The following LAMA2 variants were observed in gnomAD, a reference collection of about 807,000 sequenced individuals.
LAMA2 encodes laminin subunit alpha-2.
LAMA2 carries 269 observed loss-of-function variants against 364.8 expected under a neutral mutation model. The observed-to-expected ratio is 0.74, with a 90% CI of 0.67 to 0.82. LAMA2 has a LOEUF of 0.82. Ranked by LOEUF, LAMA2 falls within the 40% of genes least tolerant of loss-of-function variation. The pLI, the probability that LAMA2 is intolerant of heterozygous loss-of-function variation, is 0.00. For missense variants in LAMA2, 3,807 were observed against 3,873.2 expected, an observed-to-expected ratio of 0.98 and a Z score of 0.45; for synonymous variants, 1,379 against 1,370.6, an observed-to-expected ratio of 1.01 and a Z score of -0.14.
intron 1 of LAMA2, among the ~76,000 whole-genome samples, chr6:129,010,849 G>T (rs891447505): frequency 1.3e-5 from 2 of 152,084 alleles, no homozygotes; most frequent in Non-Finnish European, 2.9e-5. Flanking sequence ...AGCAAATCTT[G>T]TATGATTTTT....
intron 3 of LAMA2, among the ~76,000 whole-genome samples, chr6:129,065,645 C>T (rs1789246537): frequency 6.6e-6 from 1 of 152,014 alleles, no homozygotes; most frequent in African/African-American, 2.4e-5. Flanking sequence ...ATAAAATAAT[C>T]CCATTCACCA....
intron 32 of LAMA2, among the ~76,000 whole-genome samples, chr6:129,358,944 C>T (rs540903409): frequency 2.3e-4 from 35 of 152,076 alleles, no homozygotes; most frequent in Middle Eastern, 3.4e-3. Flanking sequence ...TTTCTCCTGT[C>T]TTTAAGCCCT....
At chr6:128,997,746 G>A (rs1210834501) in intron 1 of LAMA2, among the ~76,000 whole-genome samples, 1 of 152,142 alleles carries the variant, frequency 6.6e-6, no homozygotes, top group Non-Finnish European at 1.5e-5. Flanking sequence ...AGTGAGCCAA[G>A]ATTGCACCAT....
At chr6:128,970,031 T>G (rs1373725007) in intron 1 of LAMA2, among the ~76,000 whole-genome samples, 1 of 152,166 alleles carries the variant, frequency 6.6e-6, no homozygotes, top group East Asian at 1.9e-4. Flanking sequence ...ATAAATTGAG[T>G]GAAATGAAGT....
Position 129,393,101 on chromosome 6 carries a change from A to G in LAMA2, c.5291A>G (p.Glu1764Gly), listed in dbSNP as rs141950826. The change falls in exon 37 of 65, where the codon GAA becomes GGA. Residue 1764 changes from glutamate (E) to glycine (G), a missense_variant. Transcript: ENST00000421865. ...VKKLFGESRGENEEMEKDLRE... is the reference protein window; with the variant it reads ...VKKLFGESRGGNEEMEKDLRE... ...AAGCTGTTTGGAGAGTCCCGGGGGGAAAATGAAGAAATGGAGAAGGATCTC... is the reference window on the plus strand; with the variant it reads ...AAGCTGTTTGGAGAGTCCCGGGGGGGAAATGAAGAAATGGAGAAGGATCTC... The G allele has an allele frequency of 1.2e-4, 192 of 1,613,856 alleles. No homozygotes were observed. Among genetic ancestry groups the G allele is most frequent in the Non-Finnish European group, 1.4e-4 (163 of 1,179,884 alleles).
intron 3 of LAMA2, among the ~76,000 whole-genome samples, chr6:129,092,384 G>A (rs1774898418): frequency 6.6e-6 from 1 of 152,138 alleles, no homozygotes; most frequent in African/African-American, 2.4e-5. Context: ...AAAACATGAT[G>A]TCTATGATCC....
intron 4 of LAMA2, among the ~76,000 whole-genome samples, chr6:129,111,683 A>T (rs1776166001): frequency 6.6e-6 from 1 of 152,034 alleles, no homozygotes; most frequent in African/African-American, 2.4e-5. Context: ...TATCAATGGG[A>T]AATCAGGCAA....
intron 36 of LAMA2, among the ~76,000 whole-genome samples, 185 bp downstream of exon 36, chr6:129,391,838 T>C (rs944431109): frequency 1.3e-5 from 2 of 152,188 alleles, no homozygotes; most frequent in Non-Finnish European, 2.9e-5. Flanking sequence ...TACCATCTAT[T>C]ATTTATTCAT....
At chr6:129,085,986 T>A (rs747337948) in intron 3 of LAMA2, among the ~76,000 whole-genome samples, 5 of 152,218 alleles carry the variant, frequency 3.3e-5, no homozygotes, top group Non-Finnish European at 5.9e-5. Context: ...CAAAATGACA[T>A]CAGGCTTGCA....
chr6:129,448,530 A>G (rs923855507), intron 45 of LAMA2, among the ~76,000 whole-genome samples: 1 of 152,204 alleles, frequency 6.6e-6, no homozygotes, highest in Non-Finnish European at 1.5e-5. Context: ...ACCTTAACAC[A>G]TACTTGACAT....
chr6:129,414,828 C>T (rs1486052929), intron 40 of LAMA2, among the ~76,000 whole-genome samples: 1 of 152,208 alleles, frequency 6.6e-6, no homozygotes, highest in Non-Finnish European at 1.5e-5. Context: ...GCTCACAGCT[C>T]CAGGATCAAC....
At chr6:128,923,308 C>T (rs1778861698) in intron 1 of LAMA2, among the ~76,000 whole-genome samples, 1 of 151,222 alleles carries the variant, frequency 6.6e-6, no homozygotes. Context: ...GCAGTATGGC[C>T]ATTTTCACGA....
chr6:129,188,015 A>G (rs1235497631), intron 10 of LAMA2, among the ~76,000 whole-genome samples: 38 of 151,922 alleles, frequency 2.5e-4, no homozygotes, highest in Non-Finnish European at 5.5e-4. Flanking sequence ...TTCAAGGATC[A>G]GGTCAAACTC....
intron 3 of LAMA2, among the ~76,000 whole-genome samples, chr6:129,077,477 T>TG (rs1773736412): frequency 6.6e-6 from 1 of 152,168 alleles, no homozygotes; most frequent in African/African-American, 2.4e-5. Context: ...CAGATTTTTT[T>TG]GTAAATAGAT....
chr6:128,908,965 C>G (rs1777692285), intron 1 of LAMA2, among the ~76,000 whole-genome samples: 1 of 146,668 alleles, frequency 6.8e-6, no homozygotes, highest in African/African-American at 2.6e-5. Flanking sequence ...ATTCTTAATC[C>G]TGAGTTCTAG....
At chr6:129,482,340 A>G (rs2571584) in intron 55 of LAMA2, among the ~76,000 whole-genome samples, 52,360 of 151,924 alleles carry the variant, frequency 0.34, 10,175 homozygotes, top group African/African-American at 0.54. Flanking sequence ...TGTCCATTTG[A>G]TTCTGTTAAA....
In LAMA2 at chr6:129,326,252, C is replaced by T. The variant is rs537855386; in HGVS notation, c.4177-2026C>T. Reference sequence around the variant, plus strand: ...TTTTCTAAGAGTTTTAAAACAAACTCGGGCCTCAACTCTCCCCCAGAGGAA... The same window carrying T: ...TTTTCTAAGAGTTTTAAAACAAACTTGGGCCTCAACTCTCCCCCAGAGGAA... On this transcript the variant is annotated intron_variant, in intron 28 of 64. Transcript: ENST00000421865. 2.4e-4 allele frequency among the ~76,000 whole-genome samples: 36 copies of T among 152,256 alleles called. No homozygotes were observed. The South Asian group carries it at 6.0e-3, about 25-fold the overall frequency.
At chr6:129,078,279 T>A (rs1443195892) in intron 3 of LAMA2, among the ~76,000 whole-genome samples, 1 of 151,880 alleles carries the variant, frequency 6.6e-6, no homozygotes, top group Non-Finnish European at 1.5e-5. Flanking sequence ...GAACTACAGG[T>A]GCGCGCCACT....
At position 129,507,563 on chromosome 6, in the gene LAMA2, C is replaced by A; in HGVS notation, c.8778C>A (p.Thr2926=). The stretch of plus-strand genomic sequence containing the variant: ...CCCCTGCCGATCTGGAACAACCCAC[C>A]TCCAGCTTCCATGTTGGGACATGTT... The part of the protein sequence containing the change: ...AEAPADLEQP[T]SSFHVGTCFA... The change falls in exon 62 of 65, where the codon ACC becomes ACA. Residue 2926 remains threonine, a synonymous_variant. Transcript: ENST00000421865. 1 of 1,614,182 alleles carries A rather than the reference C, an allele frequency of 6.2e-7. No individual in the cohort carries two copies. Among genetic ancestry groups the A allele is most frequent in the East Asian group, 2.2e-5 (1 of 44,878 alleles).
Sources: allele counts gnomAD v4.1 joint callset (sites outside exome capture counted in the v4.1 genomes callset), GRCh38; gene constraint gnomAD v4.1.1; transcripts MANE v1.5; gene names NCBI Gene and HGNC (gene_info 2026-07-23, HGNC 2026-07-21).